ZNF518A: variants seen among roughly 807,000 people sequenced by gnomAD.
The protein encoded by ZNF518A is zinc finger protein 518.
In ZNF518A, 47 loss-of-function variants were observed where a neutral mutation model predicts 102.7. That is an observed-to-expected ratio of 0.46 (90% CI 0.36 to 0.58). ZNF518A has a LOEUF of 0.58. Ranked by LOEUF, ZNF518A falls within the 20% of genes least tolerant of loss-of-function variation. The pLI is 0.00. For missense variants in ZNF518A, 1,793 were observed against 1,699.8 expected, an observed-to-expected ratio of 1.05 and a Z score of -0.96; for synonymous variants, 652 against 594.6, an observed-to-expected ratio of 1.10 and a Z score of -1.40.
chr10:96,159,689 G>A lies in ZNF518A; in HGVS notation c.3367G>A (p.Val1123Ile), dbSNP rs782517627. The change falls in exon 6 of 6, where the codon GTC becomes ATC. Residue 1123 changes from valine to isoleucine, a missense_variant. By Grantham distance (29) the Val-to-Ile change is conservative. Around this residue, in one of 3 missense-constraint regions of ZNF518A, gnomAD observed 1,741 missense variants for 1,622.6 expected, o/e 1.07. Transcript: ENST00000316045. Reference protein sequence around the residue: ...NKTELLKPKLVQNSTYQNIQP... With the variant: ...NKTELLKPKLIQNSTYQNIQP... ...AACTGAGCTGCTTAAGCCCAAATTA[G>A]TCCAAAATAGTACTTATCAAAATAT... 6 of 1,613,128 alleles carry A rather than the reference G, an allele frequency of 3.7e-6. No individual in the cohort carries two copies. Among genetic ancestry groups the A allele is most frequent in the Admixed American group, 1.7e-5 (1 of 59,914 alleles).
In ZNF518A at chr10:96,157,493, G is replaced by C. The variant is rs782585756; in HGVS notation, c.1171G>C (p.Glu391Gln). 1.6e-5 allele frequency: 26 copies of C among 1,613,716 alleles called. No homozygotes were observed. The highest frequency in any genetic ancestry group is 3.3e-5 in the Admixed American group (2 of 59,980). Reference protein sequence around the residue: ...NNDKAPESESEKPTPLSTGQG... With the variant: ...NNDKAPESESQKPTPLSTGQG... ...TGATAAAGCCCCTGAATCAGAGTCA[G>C]AGAAGCCAACTCCTCTGTCCACTGG... Residue 391 changes from glutamate (E) to glutamine (Q), a missense_variant, in exon 6 of 6, where the codon GAG (glutamate) becomes CAG (glutamine). Coordinates refer to ENST00000316045, the MANE Select transcript of ZNF518A (RefSeq NM_001330736.2).
At chr10:96,180,394 G>A (rs999586237) in intron 1 of ZNF518A, among the ~76,000 whole-genome samples, 6 of 150,994 alleles carry the variant, frequency 4.0e-5, no homozygotes, top group African/African-American at 9.8e-5. Context: ...TGTGCACAAC[G>A]TGCAGGTTTG....
rs587710405 is a variant in ZNF518A, at chr10:96,154,511, A to G, written c.-301-815A>G. Reference sequence around the variant, plus strand: ...TAACAAAGCAGTGAGTTAAAACCTGACTGTTGGATTGTAGAGCCTTCAATT... The same window carrying G: ...TAACAAAGCAGTGAGTTAAAACCTGGCTGTTGGATTGTAGAGCCTTCAATT... On this transcript the variant is annotated intron_variant, in intron 3 of 5. Transcript: ENST00000316045. Among the ~76,000 whole-genome samples, 5 of 145,810 alleles carry G rather than the reference A, an allele frequency of 3.4e-5. No homozygotes were observed. In the South Asian group the frequency reaches 1.1e-3, roughly 31 times the overall value.
At chr10:96,150,458 T>A (rs1008892425) in intron 3 of ZNF518A, among the ~76,000 whole-genome samples, 4 of 151,782 alleles carry the variant, frequency 2.6e-5, no homozygotes, top group African/African-American at 9.7e-5. Context: ...AAGCTAGAAA[T>A]TTTTACAAGA....
chr10:96,195,020 C>T (rs1456622236), intron 1 of ZNF518A, among the ~76,000 whole-genome samples: 1 of 151,878 alleles, frequency 6.6e-6, no homozygotes. Flanking sequence ...CCGCCCGTCT[C>T]GGCCTCCCAA....
At chr10:96,199,892 C>T in intron 1 of ZNF518A, 1 of 323,780 alleles carries the variant, frequency 3.1e-6, no homozygotes, top group Non-Finnish European at 5.5e-6. Flanking sequence ...GGCTTGGGGG[C>T]ACACACATGT....
At chr10:96,186,983 C>T (rs2083275586) in intron 1 of ZNF518A, among the ~76,000 whole-genome samples, 1 of 152,160 alleles carries the variant, frequency 6.6e-6, no homozygotes, top group Non-Finnish European at 1.5e-5. Flanking sequence ...GGATAGGCCA[C>T]AGAGGCCCAG....
Position 96,162,461 on chromosome 10 carries a change from T to A in ZNF518A, c.*1687T>A, listed in dbSNP as rs2083035692. The A allele has an allele frequency of 1.2e-5, 2 of 166,936 alleles. No homozygotes were observed. The highest frequency in any genetic ancestry group is 2.1e-4 in the South Asian group (1 of 4,832). 10.3% of individuals were successfully genotyped at this position (166,936 alleles called of 1,614,324 possible). Reference sequence around the variant, plus strand: ...GTCCCAAATGGGCCCATTCCCCTAATAGTTTTATTTTTAAAGAAAGCCATA... The same window carrying A: ...GTCCCAAATGGGCCCATTCCCCTAAAAGTTTTATTTTTAAAGAAAGCCATA... On this transcript the variant is annotated 3_prime_UTR_variant, in exon 6 of 6. Transcript: ENST00000316045.
Position 96,159,643 on chromosome 10 carries a change from A to G in ZNF518A, c.3321A>G (p.Leu1107=), listed in dbSNP as rs782800325. ...CTGATGGCAAACAAGCTGTTTTTTT[A>G]AAGTGTGTGATGCCAAATAAAACTG... The part of the protein sequence containing the change: ...FLPDGKQAVF[L]KCVMPNKTEL... The change falls in exon 6 of 6, where the codon TTA becomes TTG. Residue 1107 remains leucine (L), a synonymous_variant. Coordinates refer to ENST00000316045, the MANE Select transcript of ZNF518A (RefSeq NM_001330736.2). 117 of 1,613,736 alleles carry G rather than the reference A, an allele frequency of 7.3e-5. No homozygotes were observed. The highest frequency in any genetic ancestry group is 6.6e-4 in the Middle Eastern group (4 of 6,060).
At chr10:96,203,606 ATTTGC>A (rs1351666714) in exon 2 of ZNF518A, 11 of 152,996 alleles carry the variant, frequency 7.2e-5, no homozygotes, top group Admixed American at 3.3e-4. Flanking sequence ...TTATCCAGAT[ATTTGC>A]CGTATCTTCT....
chr10:96,185,963 C>A (rs1554892518), intron 1 of ZNF518A, among the ~76,000 whole-genome samples: 1 of 152,224 alleles, frequency 6.6e-6, no homozygotes, highest in East Asian at 1.9e-4. Context: ...TGCTGCCTTG[C>A]AGTTCAATCT....
At position 96,161,708 on chromosome 10, in the gene ZNF518A, T is replaced by C. The variant is rs938981247; in HGVS notation, c.*934T>C. On this transcript the variant is annotated 3_prime_UTR_variant, in exon 6 of 6. Transcript: ENST00000316045. The stretch of plus-strand genomic sequence containing the variant: ...AGTGGCTTTTCTTGAAAATTAAAAT[T>C]GTTTACCAAAACAGTATTTTGAAGC... The C allele has an allele frequency of 2.4e-5, 4 of 166,978 alleles. No homozygotes were observed. Among genetic ancestry groups the C allele is most frequent in the African/African-American group, 9.7e-5 (4 of 41,450 alleles). 10.3% of individuals were successfully genotyped at this position (166,978 alleles called of 1,614,324 possible). A position where few individuals can be genotyped will look rare whatever the true frequency, so the allele number is the denominator to read the frequency against.
intron 1 of ZNF518A, chr10:96,201,176 T>C: frequency 2.2e-6 from 2 of 911,202 alleles, no homozygotes; most frequent in African/African-American, 3.3e-5. Flanking sequence ...AAAAAATCCT[T>C]AAGGCAATGG....
chr10:96,204,166 G>GC, downstream of ZNF518A: 1 of 1,418,372 alleles, frequency 7.1e-7, no homozygotes, highest in Non-Finnish European at 1.0e-6. Context: ...CACTGATGAT[G>GC]CTGTGAACAG....
At chr10:96,132,478 G>GTTTTTTTTTT (rs377722008) in intron 1 of ZNF518A, 108 bp from the exon 2 acceptor site, 4 of 130,666 alleles carry the variant, frequency 3.1e-5, no homozygotes, top group Non-Finnish European at 5.0e-5. Flanking sequence ...TTTTTTCTTA[G>GTTTTTTTTTT]TTTTTTTTTT....
At chr10:96,164,252 G>C (rs1288350324), downstream of ZNF518A, among the ~76,000 whole-genome samples, 1 of 152,172 alleles carries the variant, frequency 6.6e-6, no homozygotes, top group African/African-American at 2.4e-5. Flanking sequence ...TTAAAAATAA[G>C]ATTCCTTTTC....
rs2082212864 is a variant in ZNF518A, at chr10:96,147,232, G to T, written c.-301-8094G>T. ...TGGGCCAGGCTTACCTGGGGATTCT[G>T]TCCAATGGTTGAAAAGACGGTACAG... On this transcript the variant is annotated intron_variant, in intron 3 of 5. Transcript: ENST00000316045. Among the ~76,000 whole-genome samples the T allele has an allele frequency of 2.6e-5, 4 of 152,214 alleles. No homozygotes were observed. The South Asian group carries it at 8.3e-4, about 32-fold the overall frequency.
intron 3 of ZNF518A, among the ~76,000 whole-genome samples, chr10:96,146,851 T>C (rs782492267): frequency 6.6e-6 from 1 of 152,176 alleles, no homozygotes; most frequent in Non-Finnish European, 1.5e-5. Context: ...CAAGCCTAAA[T>C]CTGGCTATAC....
intron 3 of ZNF518A, among the ~76,000 whole-genome samples, chr10:96,149,629 A>G (rs587614376): frequency 9.2e-4 from 140 of 152,288 alleles, no homozygotes; most frequent in African/African-American, 3.2e-3. Flanking sequence ...CAGAATGTAA[A>G]ATGTGTTAGT....
Sources: allele counts gnomAD v4.1 joint callset (sites outside exome capture counted in the v4.1 genomes callset), GRCh38; gene constraint gnomAD v4.1.1; regional missense constraint gnomAD v4.1.1; transcripts MANE v1.5; gene names NCBI Gene and HGNC (gene_info 2026-07-23, HGNC 2026-07-21).